The following COX7B2 variants were observed in gnomAD, a reference collection of about 807,000 sequenced individuals.
COX7B2 encodes the protein cytochrome c oxidase subunit 7B2, mitochondrial.
For missense variants in COX7B2, 109 were observed against 95.9 expected (o/e 1.14, Z -0.57); for synonymous variants, 37 against 32.1 (o/e 1.15, Z -0.51).
At chr4:46,886,468 T>C (rs1719091925) in intron 1 of COX7B2, among the ~76,000 whole-genome samples, 1 of 152,168 alleles carries the variant, frequency 6.6e-6, no homozygotes, top group Admixed American at 6.5e-5. Context: ...ATTTCCCTAT[T>C]GTACTATCGA....
At chr4:46,753,479 A>C (rs1306404845) in intron 2 of COX7B2, among the ~76,000 whole-genome samples, 1 of 151,736 alleles carries the variant, frequency 6.6e-6, no homozygotes, top group South Asian at 2.1e-4. Context: ...TCCCTGTTTA[A>C]TAAATGGTGC....
At chr4:46,763,030 ATAATATATATTATATATTATAATATG>A in intron 2 of COX7B2, among the ~76,000 whole-genome samples, 1 of 131,048 alleles carries the variant, frequency 7.6e-6, no homozygotes, top group Non-Finnish European at 1.6e-5. Context: ...ATAATATAAT[ATAATATATATTATATATTATAATATG>A]TAATATATAT....
intron 2 of COX7B2, among the ~76,000 whole-genome samples, chr4:46,807,324 T>C (rs1719055976): frequency 6.6e-6 from 1 of 152,032 alleles, no homozygotes; most frequent in African/African-American, 2.4e-5. Flanking sequence ...GAGAAGTGTC[T>C]ATTCATGTCT....
chr4:46,823,959 A>T (rs1226740071), intron 2 of COX7B2, among the ~76,000 whole-genome samples: 2 of 152,114 alleles, frequency 1.3e-5, no homozygotes, highest in African/African-American at 4.8e-5. Flanking sequence ...AGACAATTTT[A>T]AAATACTATA....
At chr4:46,756,449 T>C (rs1341597138) in intron 2 of COX7B2, among the ~76,000 whole-genome samples, 1 of 151,674 alleles carries the variant, frequency 6.6e-6, no homozygotes, top group East Asian at 1.9e-4. Flanking sequence ...ATAGACAAAT[T>C]GAATTTAATT....
At chr4:46,747,574 T>A (rs555803423) in intron 2 of COX7B2, among the ~76,000 whole-genome samples, 2 of 152,242 alleles carry the variant, frequency 1.3e-5, no homozygotes, top group South Asian at 4.1e-4. Context: ...AGTGCTGGGA[T>A]TACAAGCATG....
At chr4:46,858,685 C>T (rs989300900) in intron 1 of COX7B2, among the ~76,000 whole-genome samples, 3 of 152,068 alleles carry the variant, frequency 2.0e-5, no homozygotes, top group South Asian at 2.1e-4. Context: ...TACTCCAATT[C>T]CTGATGAATG....
chr4:46,751,641 A>G (rs1388199979), intron 2 of COX7B2, among the ~76,000 whole-genome samples: 1 of 152,184 alleles, frequency 6.6e-6, no homozygotes, highest in African/African-American at 2.4e-5. Context: ...AAACTGTATA[A>G]AATATACAGT....
intron 2 of COX7B2, among the ~76,000 whole-genome samples, chr4:46,747,363 G>GC (rs1250354858): frequency 1.3e-5 from 2 of 151,730 alleles, no homozygotes; most frequent in Non-Finnish European, 2.9e-5. Context: ...GAGGGCAATG[G>GC]TGCAATCTCG....
At chr4:46,893,378 G>A (rs780163321) in intron 1 of COX7B2, among the ~76,000 whole-genome samples, 33 of 152,084 alleles carry the variant, frequency 2.2e-4, no homozygotes, top group Admixed American at 1.0e-3. Context: ...TACATACTTC[G>A]CTGTTGAACT....
intron 2 of COX7B2, among the ~76,000 whole-genome samples, chr4:46,835,427 C>A (rs1715448557): frequency 6.6e-6 from 1 of 151,556 alleles, no homozygotes; most frequent in Non-Finnish European, 1.5e-5. Context: ...GATACGCAAA[C>A]AAGTCCCCCC....
At chr4:46,839,667 A>G (rs1012868321) in intron 2 of COX7B2, among the ~76,000 whole-genome samples, 1 of 152,030 alleles carries the variant, frequency 6.6e-6, no homozygotes, top group Non-Finnish European at 1.5e-5. Flanking sequence ...TCTTCTGTCA[A>G]TTCTCAGGCT....
chr4:46,750,680 G>A (rs1487688452), intron 2 of COX7B2, among the ~76,000 whole-genome samples: 1 of 151,960 alleles, frequency 6.6e-6, no homozygotes, highest in Non-Finnish European at 1.5e-5. Context: ...GAGCCTGCAT[G>A]GCTTAAACAA....
At chr4:46,761,065 A>G (rs1042880772) in intron 2 of COX7B2, among the ~76,000 whole-genome samples, 2 of 152,148 alleles carry the variant, frequency 1.3e-5, no homozygotes, top group African/African-American at 4.8e-5. Flanking sequence ...AGCTGGCTGC[A>G]AATCAAACAC....
At chr4:46,886,016 A>G (rs1481509045) in intron 1 of COX7B2, among the ~76,000 whole-genome samples, 1 of 152,196 alleles carries the variant, frequency 6.6e-6, no homozygotes, top group Admixed American at 6.5e-5. Context: ...ATGATAACGT[A>G]GATTTTCAAA....
intron 2 of COX7B2, among the ~76,000 whole-genome samples, chr4:46,827,916 T>G (rs1205953614): frequency 6.6e-6 from 1 of 152,156 alleles, no homozygotes; most frequent in African/African-American, 2.4e-5. Flanking sequence ...AGATCACTGG[T>G]TGCCTGGGAC....
At chr4:46,892,387 A>G (rs1466759519) in intron 1 of COX7B2, among the ~76,000 whole-genome samples, 2 of 152,158 alleles carry the variant, frequency 1.3e-5, no homozygotes, top group Non-Finnish European at 2.9e-5. Flanking sequence ...CTTTACTTCT[A>G]TTATCCATGA....
At chr4:46,893,533 G>A (rs1053795709) in intron 1 of COX7B2, among the ~76,000 whole-genome samples, 1 of 152,112 alleles carries the variant, frequency 6.6e-6, no homozygotes, top group Non-Finnish European at 1.5e-5. Context: ...ATACATTCAG[G>A]CCTGAATGAG....
intron 1 of COX7B2, among the ~76,000 whole-genome samples, chr4:46,880,206 G>A (rs1038696421): frequency 6.6e-6 from 1 of 152,068 alleles, no homozygotes; most frequent in Non-Finnish European, 1.5e-5. Flanking sequence ...TTGCATCAAT[G>A]TACATAAAAA....
Sources: gnomAD v4.1 joint callset for allele counts (sites outside exome capture counted in the v4.1 genomes callset) on GRCh38, gnomAD v4.1.1 for gene constraint, MANE v1.5 for transcripts, NCBI Gene and HGNC (gene_info 2026-07-23, HGNC 2026-07-21) for gene names.